Variants in DAAM2 observed in about 807,000 individuals in gnomAD.
DAAM2 encodes disheveled-associated activator of morphogenesis 2.
Under a neutral mutation model 120.7 loss-of-function variants are expected in DAAM2, and 39 were observed. That is an observed-to-expected ratio of 0.32 (90% CI 0.25 to 0.42). DAAM2 has a LOEUF of 0.42. Among genes scored for constraint, DAAM2 ranks in the 10% least tolerant of loss-of-function variants. DAAM2 has a pLI of 1.00. For missense variants in DAAM2, 1,283 were observed against 1,401.7 expected (o/e 0.92, Z 1.35); for synonymous variants, 488 against 524.9 (o/e 0.93, Z 0.96).
intron 1 of DAAM2, among the ~76,000 whole-genome samples, chr6:39,844,123 C>T (rs561276724): frequency 6.6e-6 from 1 of 152,150 alleles, no homozygotes; most frequent in East Asian, 1.9e-4. Context: ...AATTTTGAGC[C>T]TAGCCTAGCT....
At chr6:39,842,597 T>C (rs1338270681) in intron 1 of DAAM2, among the ~76,000 whole-genome samples, 3 of 152,132 alleles carry the variant, frequency 2.0e-5, no homozygotes, top group Non-Finnish European at 4.4e-5. Flanking sequence ...TGTGCCACTG[T>C]ACTCCAGCCG....
chr6:39,889,695 C>T (rs190665414), intron 17 of DAAM2, among the ~76,000 whole-genome samples: 22 of 152,308 alleles, frequency 1.4e-4, no homozygotes, highest in Admixed American at 9.8e-4. Flanking sequence ...ACAACTTAGC[C>T]GCTAATTGCC....
chr6:39,794,989 C>G (rs1334475837), intron 1 of DAAM2, among the ~76,000 whole-genome samples: 1 of 152,200 alleles, frequency 6.6e-6, no homozygotes, highest in Admixed American at 6.5e-5. Context: ...GTTTTCAACT[C>G]TTTCTACATG....
rs541346231 is a variant in DAAM2, at chr6:39,900,334, G to A, written c.2811+126G>A. ...AGTTACAGAGCTTTGAGAGAAAACC[G>A]TTTCTTCGCTCTTAACAAGACAAGC... On this transcript the variant is annotated intron_variant, in intron 23 of 24. Coordinates refer to ENST00000274867, the MANE Select transcript of DAAM2 (RefSeq NM_001201427.2). 2.8e-5 allele frequency: 31 copies of A among 1,108,052 alleles called. No homozygotes were observed. In the African/African-American group the frequency reaches 3.3e-4, roughly 12 times the overall value. The allele number at this position is 1,108,052 out of a possible 1,614,324, so 68.6% of individuals were successfully genotyped here. A position where few individuals can be genotyped will look rare whatever the true frequency, so the allele number is the denominator to read the frequency against.
At chr6:39,861,085 C>T (rs1371603517) in intron 3 of DAAM2, 68 bp downstream of exon 3, 12 of 1,144,556 alleles carry the variant, frequency 1.0e-5, no homozygotes, top group Middle Eastern at 1.9e-4. Context: ...GCTGCCTTGG[C>T]ATGCTCATGC....
At chr6:39,818,768 G>A (rs1762390390) in intron 1 of DAAM2, 1 of 152,128 alleles carries the variant, frequency 6.6e-6, no homozygotes, top group African/African-American at 2.4e-5. Flanking sequence ...AAATTCTTTA[G>A]GTTCCTTTTT....
At chr6:39,807,493 C>A (rs1407077195) in intron 1 of DAAM2, among the ~76,000 whole-genome samples, 1 of 152,074 alleles carries the variant, frequency 6.6e-6, no homozygotes, top group Admixed American at 6.6e-5. Context: ...TATTTTATTT[C>A]TTAGACTGAA....
chr6:39,872,221 G>A (rs1764691814), intron 9 of DAAM2, among the ~76,000 whole-genome samples: 1 of 152,056 alleles, frequency 6.6e-6, no homozygotes, highest in African/African-American at 2.4e-5. Context: ...AGTCTCTTTG[G>A]GAAACACCCT....
intron 1 of DAAM2, among the ~76,000 whole-genome samples, chr6:39,833,383 C>A (rs1016989087): frequency 4.6e-5 from 7 of 152,154 alleles, no homozygotes; most frequent in African/African-American, 1.7e-4. Context: ...CAGCTCACTG[C>A]AACCTCTGCC....
chr6:39,851,972 C>A (rs1257414901), intron 1 of DAAM2, among the ~76,000 whole-genome samples: 1 of 152,176 alleles, frequency 6.6e-6, no homozygotes, highest in Admixed American at 6.5e-5. Flanking sequence ...GCTGGAGCCA[C>A]GAGAAGCGTT....
intron 1 of DAAM2, among the ~76,000 whole-genome samples, chr6:39,824,117 G>GAAA (rs1762584428): frequency 6.6e-6 from 1 of 152,188 alleles, no homozygotes; most frequent in Non-Finnish European, 1.5e-5. Flanking sequence ...GGGGCCTTCT[G>GAAA]TGCTACACAT....
rs762893399 is a variant in DAAM2 at position 39,856,320 on chromosome 6, G to A, written c.18G>A (p.Arg6=). Residue 6 remains arginine, a synonymous_variant, in exon 2 of 25, where the codon AGG becomes AGA. Transcript: ENST00000274867. MAPRK[R]SHHGLGFLCC... is the part of the protein sequence containing the mutation. ...CAGTGACCATGGCCCCCCGCAAGAGGAGCCACCATGGCCTGGGCTTCCTGT... is the reference window on the plus strand; with the variant it reads ...CAGTGACCATGGCCCCCCGCAAGAGAAGCCACCATGGCCTGGGCTTCCTGT... 81 of 1,542,302 alleles carry A rather than the reference G, an allele frequency of 5.3e-5. No homozygotes were observed. The highest frequency in any genetic ancestry group is 2.2e-4 in the Admixed American group (11 of 50,330).
chr6:39,846,853 G>A (rs1055489136), intron 1 of DAAM2, among the ~76,000 whole-genome samples: 5 of 152,124 alleles, frequency 3.3e-5, no homozygotes, highest in African/African-American at 1.2e-4. Context: ...ACAAATATTT[G>A]TTTGAAAGAA....
chr6:39,837,068 G>A (rs1421015940), intron 1 of DAAM2, among the ~76,000 whole-genome samples: 1 of 152,176 alleles, frequency 6.6e-6, no homozygotes, highest in Non-Finnish European at 1.5e-5. Context: ...TGGGGCATGA[G>A]TAGCTCTGAT....
chr6:39,885,194 C>T (rs1035165953), intron 15 of DAAM2: 4 of 152,214 alleles, frequency 2.6e-5, no homozygotes, highest in South Asian at 2.1e-4. Flanking sequence ...CACATGCAGC[C>T]GCTCCTAGGG....
intron 1 of DAAM2, among the ~76,000 whole-genome samples, chr6:39,843,914 T>A (rs1763460922): frequency 1.3e-5 from 2 of 152,086 alleles, no homozygotes; most frequent in Non-Finnish European, 2.9e-5. Flanking sequence ...ATGCTGCCAT[T>A]TACGAGCTGT....
At chr6:39,856,969 G>C (rs1452705498) in intron 2 of DAAM2, among the ~76,000 whole-genome samples, 2 of 152,148 alleles carry the variant, frequency 1.3e-5, no homozygotes, top group Non-Finnish European at 2.9e-5. Context: ...GTCATGCCTG[G>C]GGTCCCAGTT....
chr6:39,878,676 G>A lies in DAAM2; in HGVS notation c.1545+88G>A. The A allele has an allele frequency of 5.1e-6, 7 of 1,364,204 alleles. No homozygotes were observed. Among genetic ancestry groups the A allele is most frequent in the African/African-American group, 1.5e-5 (1 of 68,818 alleles). The allele number at this position is 1,364,204 out of a possible 1,614,324, so 84.5% of individuals were successfully genotyped here. On this transcript the variant is annotated intron_variant, in intron 13 of 24. Coordinates refer to ENST00000274867, the MANE Select transcript of DAAM2 (RefSeq NM_001201427.2). The surrounding 1 kb of genome is among the most constrained non-coding windows in gnomAD (Gnocchi z 5.0). ...GCAGAGCAGGTGTCGGAGAGGCCAA[G>A]GACCCCAGCATGAGGGAGAAGGGAG...
chr6:39,862,151 C>G (rs1029417491), intron 3 of DAAM2: 1 of 152,202 alleles, frequency 6.6e-6, no homozygotes, highest in African/African-American at 2.4e-5. Context: ...ACCCACAGCC[C>G]ACCCAGTCCG....
Sources: allele counts gnomAD v4.1 joint callset (sites outside exome capture counted in the v4.1 genomes callset), GRCh38; gene constraint gnomAD v4.1.1; non-coding constraint Gnocchi (gnomAD v3.1); transcripts MANE v1.5; gene names NCBI Gene and HGNC (gene_info 2026-07-23, HGNC 2026-07-21).